Variants in GRK1 observed in about 807,000 individuals in gnomAD.
GRK1 encodes the protein rhodopsin kinase GRK1.
GRK1 carries 28 observed loss-of-function variants against 41.7 expected under a neutral mutation model. The ratio of observed to expected loss-of-function variants is 0.67; its 90% confidence interval spans 0.50 to 0.92. GRK1 has a LOEUF of 0.92. Among genes scored for constraint, GRK1 ranks in the 40% least tolerant of loss-of-function variants. GRK1 has a pLI of 0.00. For missense variants in GRK1, 703 were observed against 671.2 expected (o/e 1.05, Z -0.52); for synonymous variants, 327 against 286.7 (o/e 1.14, Z -1.42).
At chr13:113,664,189 AGTC>A (rs1371997778), upstream of GRK1, among the ~76,000 whole-genome samples, 8 of 152,094 alleles carry the variant, frequency 5.3e-5, no homozygotes, top group Admixed American at 2.0e-4. This position sits in a 1 kb window ranked among gnomAD's most constrained non-coding sequence, Gnocchi z 5.4. Context: ...TGCTTAGAGA[AGTC>A]GTGGTTGCCG....
upstream of GRK1, among the ~76,000 whole-genome samples, chr13:113,665,623 C>T (rs570008936): frequency 7.3e-4 from 109 of 149,886 alleles, no homozygotes; most frequent in South Asian, 0.023. Flanking sequence ...CCAGCTGTCC[C>T]AGGTGTGCCC....
At position 113,669,793 on chromosome 13, in the gene GRK1, T is replaced by C. The variant is rs767798065; in HGVS notation, c.806T>C (p.Ile269Thr). The C allele has an allele frequency of 1.3e-5, 21 of 1,613,794 alleles. No individual in the cohort carries two copies. Among genetic ancestry groups the C allele is most frequent in the Admixed American group, 1.7e-5 (1 of 60,004 alleles). The change falls in exon 2 of 7, where the codon ATC becomes ACC. Residue 269 changes from isoleucine (I) to threonine (T), a missense_variant. Transcript: ENST00000335678. ...TKADLCLVMT[I>T]MNGGDIRYHI... ...GCCGACCTCTGTCTGGTGATGACCATCATGAACGGAGGTGACATCAGGTAA... is the reference window on the plus strand; with the variant it reads ...GCCGACCTCTGTCTGGTGATGACCACCATGAACGGAGGTGACATCAGGTAA...
Position 113,735,186 on chromosome 13 carries a change from C to T in GRK1, c.1515C>T (p.Phe505=), listed in dbSNP as rs555690071. The T allele has an allele frequency of 1.4e-5, 21 of 1,537,232 alleles. No individual in the cohort carries two copies. The African/African-American group carries it at 2.3e-4, about 17-fold the overall frequency. Residue 505 remains phenylalanine, a synonymous_variant, in exon 7 of 7, where the codon TTC becomes TTT. Transcript: ENST00000335678. ...CCTTTGACAAAACAGACACAGAATT[C>T]TTTCAGGAATTTGCCACTGGCAACT... ...GVAFDKTDTE[F]FQEFATGNCP... is the part of the protein sequence containing the mutation.
chr13:113,649,100 G>A, the GRK1 span: 86 of 292,176 alleles, frequency 2.9e-4, 1 homozygote, highest in South Asian at 4.3e-3. This position sits in a 1 kb window ranked among gnomAD's most constrained non-coding sequence, Gnocchi z 4.7. Flanking sequence ...TGGTTAATTA[G>A]AGAGTTGCTG....
chr13:113,654,559 A>C, the GRK1 span, among the ~76,000 whole-genome samples: 1 of 152,242 alleles, frequency 6.6e-6, no homozygotes, highest in Non-Finnish European at 1.5e-5. Context: ...AGATTTTATA[A>C]TTTGGAGTCA....
chr13:113,650,519 A>G, the GRK1 span: 1 of 1,605,834 alleles, frequency 6.2e-7, no homozygotes, highest in Non-Finnish European at 8.5e-7. This position sits in a 1 kb window ranked among gnomAD's most constrained non-coding sequence, Gnocchi z 5.0. Context: ...TGGGGAGGAG[A>G]GGCCACTGCC....
At chr13:113,732,446 G>T (rs1373102347) in intron 5 of GRK1, among the ~76,000 whole-genome samples, 2 of 152,218 alleles carry the variant, frequency 1.3e-5, no homozygotes, top group Non-Finnish European at 2.9e-5. Context: ...GGACTGAGCA[G>T]CACCCTTCAC....
chr13:113,656,578 G>C, the GRK1 span, among the ~76,000 whole-genome samples: 2 of 152,206 alleles, frequency 1.3e-5, no homozygotes, highest in African/African-American at 4.8e-5. Flanking sequence ...AGGTGACTGA[G>C]AGTCCCATTC....
chr13:113,733,911 A>G (rs1251456454), intron 6 of GRK1, among the ~76,000 whole-genome samples: 1 of 57,342 alleles, frequency 1.7e-5, no homozygotes, highest in Non-Finnish European at 3.1e-5. Flanking sequence ...GTGTGCATAC[A>G]GTGTGCGTGT....
At chr13:113,653,272 A>C in the GRK1 span, 1 of 1,567,896 alleles carries the variant, frequency 6.4e-7, no homozygotes, top group East Asian at 2.2e-5. Context: ...GCCGCTTCAC[A>C]CCTCACCCAC....
At chr13:113,733,940 G>C (rs375837095) in intron 6 of GRK1, among the ~76,000 whole-genome samples, 1 of 138,834 alleles carries the variant, frequency 7.2e-6, no homozygotes, top group Non-Finnish European at 1.5e-5. Context: ...GTGCATACGT[G>C]TGTGCGTGTG....
chr13:113,654,697 C>T, the GRK1 span: 2 of 1,450,090 alleles, frequency 1.4e-6, no homozygotes. Flanking sequence ...GGCTGCCGGG[C>T]TGGCTTCCCT....
chr13:113,723,500 C>T (rs1325696671), intron 4 of GRK1, among the ~76,000 whole-genome samples: 1 of 152,072 alleles, frequency 6.6e-6, no homozygotes, highest in East Asian at 1.9e-4. Context: ...AAGATGAACA[C>T]TGGTTCGGTC....
chr13:113,671,684 T>G lies in GRK1; in HGVS notation c.985+28T>G. 4.1e-6 allele frequency: 3 copies of G among 726,358 alleles called. No homozygotes were observed. Among genetic ancestry groups the G allele is most frequent in the Non-Finnish European group, 7.5e-6 (3 of 398,870 alleles). 45.0% of individuals were successfully genotyped at this position (726,358 alleles called of 1,614,324 possible). Reference sequence around the variant, plus strand: ...AGGAGGTGCCCTCGGCTGGGAGGGATGAGGGCTACGAGGAGGGCGGGGCGC... The same window carrying G: ...AGGAGGTGCCCTCGGCTGGGAGGGAGGAGGGCTACGAGGAGGGCGGGGCGC... On this transcript the variant is annotated intron_variant, in intron 3 of 6. Transcript: ENST00000335678. The surrounding 1 kb of genome is among the most constrained non-coding windows in gnomAD (Gnocchi z 4.1).
chr13:113,656,431 C>T, the GRK1 span, among the ~76,000 whole-genome samples: 1 of 152,162 alleles, frequency 6.6e-6, no homozygotes, highest in Non-Finnish European at 1.5e-5. Context: ...GGCGGCTCAG[C>T]CCTGCCTCCC....
intron 4 of GRK1, among the ~76,000 whole-genome samples, chr13:113,723,431 C>T (rs1314357313): frequency 6.6e-6 from 1 of 152,006 alleles, no homozygotes; most frequent in African/African-American, 2.4e-5. Flanking sequence ...GACAGGTGGT[C>T]GCCGCACAGT....
Position 113,731,374 on chromosome 13 carries a change from C to G in GRK1, c.1194+31C>G. 1 of 1,536,206 alleles carries G rather than the reference C, an allele frequency of 6.5e-7. No individual in the cohort carries two copies. The highest frequency in any genetic ancestry group is 8.7e-7 in the Non-Finnish European group (1 of 1,146,504). ...AGGCGGCCGGCAGGTGTCTCTGCAG[C>G]CACCTTGGCGCCCTGGCTCTCGATG... On this transcript the variant is annotated intron_variant, in intron 5 of 6. Transcript: ENST00000335678. The surrounding 1 kb of genome is among the most constrained non-coding windows in gnomAD (Gnocchi z 5.6).
the GRK1 span, chr13:113,653,531 C>T: frequency 1.9e-6 from 2 of 1,063,592 alleles, no homozygotes; most frequent in Non-Finnish European, 2.8e-6. Context: ...AGGCGGTGGC[C>T]CAACCCAGGA....
the GRK1 span, chr13:113,653,200 GT>G: frequency 7.2e-7 from 1 of 1,390,442 alleles, no homozygotes; most frequent in Non-Finnish European, 9.9e-7. Context: ...CTGTGGAGCC[GT>G]TTCACACCTC....
Sources: gnomAD v4.1 joint callset for allele counts (sites outside exome capture counted in the v4.1 genomes callset) on GRCh38, gnomAD v4.1.1 for gene constraint, Gnocchi (gnomAD v3.1) non-coding constraint, MANE v1.5 for transcripts, NCBI Gene and HGNC (gene_info 2026-07-23, HGNC 2026-07-21) for gene names.